Variants in ADGRL2 observed in about 807,000 individuals in gnomAD.
ADGRL2 encodes the protein adhesion G protein-coupled receptor L2.
Under a neutral mutation model 157.4 loss-of-function variants are expected in ADGRL2, and 44 were observed. The observed-to-expected ratio is 0.28, with a 90% CI of 0.22 to 0.36. ADGRL2 has a LOEUF of 0.36. ADGRL2 is among the 10% of genes least tolerant of loss of function. The pLI, the probability that ADGRL2 is intolerant of heterozygous loss-of-function variation, is 1.00. For synonymous variants in ADGRL2, 585 were observed against 624.7 expected, an observed-to-expected ratio of 0.94 and a Z score of 0.95; for missense variants, 1,510 against 1,768.9, an observed-to-expected ratio of 0.85 and a Z score of 2.63.
intron 2 of ADGRL2, among the ~76,000 whole-genome samples, chr1:81,861,818 G>A (rs1489860340): frequency 1.3e-5 from 2 of 151,988 alleles, no homozygotes; most frequent in Admixed American, 1.3e-4. Context: ...GGGAGGTGGT[G>A]GCTGCAGTGA....
chr1:81,594,777 G>A (rs913097299), intron 3 of ADGRL2, among the ~76,000 whole-genome samples: 33 of 152,104 alleles, frequency 2.2e-4, no homozygotes, highest in African/African-American at 7.5e-4. Flanking sequence ...GTAAGCCATT[G>A]GACAGCAAAC....
At chr1:81,705,979 G>A (rs2083721005) in intron 1 of ADGRL2, among the ~76,000 whole-genome samples, 1 of 152,104 alleles carries the variant, frequency 6.6e-6, no homozygotes, top group Non-Finnish European at 1.5e-5. Context: ...GGGAGGCCAA[G>A]GCGGGCGGAT....
chr1:81,620,180 G>A (rs1029335812), intron 3 of ADGRL2, among the ~76,000 whole-genome samples: 3 of 152,130 alleles, frequency 2.0e-5, no homozygotes, highest in African/African-American at 7.2e-5. Context: ...AAACACTATT[G>A]GTGGAACAAG....
intron 1 of ADGRL2, among the ~76,000 whole-genome samples, chr1:81,385,597 CAA>C (rs35419524): frequency 1.5e-3 from 209 of 142,762 alleles, no homozygotes; most frequent in African/African-American, 4.7e-3. Flanking sequence ...GGGAGAGTGG[CAA>C]AAAAAAAAAA....
chr1:81,422,212 T>A (rs902105901), intron 1 of ADGRL2, among the ~76,000 whole-genome samples: 5 of 152,170 alleles, frequency 3.3e-5, no homozygotes, highest in Non-Finnish European at 7.4e-5. Flanking sequence ...TAAATTATAT[T>A]ATTTTAAGAG....
chr1:81,443,957 T>G (rs2077554258), intron 1 of ADGRL2, among the ~76,000 whole-genome samples: 1 of 152,078 alleles, frequency 6.6e-6, no homozygotes. Context: ...GCTACAAAGG[T>G]GGGATGATCT....
intron 1 of ADGRL2, among the ~76,000 whole-genome samples, chr1:81,325,940 T>TTG (rs145342675): frequency 0.11 from 17,226 of 152,210 alleles, 1,087 homozygotes; most frequent in Non-Finnish European, 0.13. Context: ...TCACTAAGCA[T>TTG]TCATACCACT....
At chr1:81,848,907 A>C (rs2150456512) in intron 2 of ADGRL2, among the ~76,000 whole-genome samples, 1 of 152,064 alleles carries the variant, frequency 6.6e-6, no homozygotes, top group Admixed American at 6.6e-5. Context: ...CATCATTAAA[A>C]CAGTTAAAAG....
chr1:81,561,400 ATT>A (rs1406513500), intron 2 of ADGRL2, among the ~76,000 whole-genome samples: 1 of 141,574 alleles, frequency 7.1e-6, no homozygotes, highest in African/African-American at 2.6e-5. Context: ...TCTCGCTATA[ATT>A]TTTTTCTTTC....
At chr1:81,576,849 A>T (rs573453907) in intron 2 of ADGRL2, among the ~76,000 whole-genome samples, 2 of 152,274 alleles carry the variant, frequency 1.3e-5, no homozygotes, top group East Asian at 3.9e-4. Context: ...AAAGTTTATG[A>T]TAAGTTTTTC....
intron 1 of ADGRL2, among the ~76,000 whole-genome samples, chr1:81,342,284 G>A (rs1440568851): frequency 2.0e-5 from 3 of 152,074 alleles, no homozygotes; most frequent in Non-Finnish European, 2.9e-5. Flanking sequence ...ATCCTATATT[G>A]AGTCCATAGA....
chr1:81,719,292 C>T lies in ADGRL2; in HGVS notation c.-143+19484C>T, dbSNP rs373534118. 1.3e-4 allele frequency among the ~76,000 whole-genome samples: 20 copies of T among 152,360 alleles called. 1 individual carries two copies. The highest frequency in any genetic ancestry group is 4.1e-4 in the African/African-American group (17 of 41,598). On this transcript the variant is annotated intron_variant, in intron 1 of 20. Coordinates refer to the ADGRL2 transcript ENST00000359929. The stretch of plus-strand genomic sequence containing the variant: ...ACCATCCGTTCCTCACAATCATTAT[C>T]TGCCAATACCCATGGCTTTCTTTGT...
chr1:81,611,533 T>A (rs1229056503), intron 3 of ADGRL2, among the ~76,000 whole-genome samples: 1 of 152,228 alleles, frequency 6.6e-6, no homozygotes, highest in Non-Finnish European at 1.5e-5. Flanking sequence ...CTACTATGTG[T>A]AAGGCCCTTA....
intron 1 of ADGRL2, among the ~76,000 whole-genome samples, chr1:81,438,306 C>A (rs2077445758): frequency 6.6e-6 from 1 of 151,998 alleles, no homozygotes; most frequent in Admixed American, 6.6e-5. Context: ...CCCCAGAGAA[C>A]CATTATTAAT....
chr1:81,520,075 G>C (rs1236215151), intron 2 of ADGRL2, among the ~76,000 whole-genome samples: 1 of 152,030 alleles, frequency 6.6e-6, no homozygotes, highest in Non-Finnish European at 1.5e-5. Flanking sequence ...GATGCTGGAG[G>C]CTGAAGCAGC....
chr1:81,557,032 AAAAG>A (rs1204879998), intron 2 of ADGRL2: 7 of 178,736 alleles, frequency 3.9e-5, no homozygotes, highest in African/African-American at 4.9e-5. Context: ...AAAAAAAAAA[AAAAG>A]AAAGAAAGAA....
At chr1:81,485,786 A>G (rs183415223) in intron 2 of ADGRL2, among the ~76,000 whole-genome samples, 38 of 152,140 alleles carry the variant, frequency 2.5e-4, no homozygotes, top group African/African-American at 8.9e-4. Context: ...ACTCAAGTAA[A>G]CATTGATTAG....
At chr1:81,646,587 A>C (rs915788729) in intron 3 of ADGRL2, among the ~76,000 whole-genome samples, 7 of 152,192 alleles carry the variant, frequency 4.6e-5, no homozygotes, top group African/African-American at 1.7e-4. Context: ...AAATTCATTC[A>C]TATTAATTAA....
intron 2 of ADGRL2, among the ~76,000 whole-genome samples, chr1:81,461,935 G>GGC (rs1557706243): frequency 6.8e-6 from 1 of 146,804 alleles, no homozygotes; most frequent in Non-Finnish European, 1.5e-5. Context: ...AAGAAAGGGG[G>GGC]GGGGGGGTGG....
Sources: allele counts gnomAD v4.1 joint callset (sites outside exome capture counted in the v4.1 genomes callset), GRCh38; gene constraint gnomAD v4.1.1; transcripts MANE v1.5; gene names NCBI Gene and HGNC (gene_info 2026-07-23, HGNC 2026-07-21).